TLK2: variants seen among roughly 807,000 people sequenced by gnomAD.
The protein encoded by TLK2 is serine/threonine-protein kinase tousled-like 2.
A neutral mutation model predicts 117.3 loss-of-function variants in TLK2; 6 were observed. That is an observed-to-expected ratio of 0.05 (90% confidence interval 0.03 to 0.10). The LOEUF (loss-of-function observed/expected upper bound fraction) is 0.10, where lower values mean the gene tolerates loss of function less well. Ranked by LOEUF, TLK2 falls within the 10% of genes least tolerant of loss-of-function variation. TLK2 has a pLI of 1.00. For missense variants in TLK2, 299 were observed against 901.2 expected, an observed-to-expected ratio of 0.33 and a Z score of 8.56; for synonymous variants, 257 against 316.7, an observed-to-expected ratio of 0.81 and a Z score of 2.00.
chr17:62,568,914 G>A (rs1237884553), intron 11 of TLK2, among the ~76,000 whole-genome samples: 1 of 152,038 alleles, frequency 6.6e-6, no homozygotes, highest in East Asian at 1.9e-4. Flanking sequence ...CACTCATTTT[G>A]TTGATTTTAT....
At chr17:62,519,749 A>C (rs183634870) in intron 2 of TLK2, among the ~76,000 whole-genome samples, 2 of 152,304 alleles carry the variant, frequency 1.3e-5, no homozygotes, top group African/African-American at 4.8e-5. Context: ...AGTATAAAAA[A>C]ATGGATTTTT....
At chr17:62,575,396 A>G (rs1400629900) in intron 12 of TLK2, among the ~76,000 whole-genome samples, 1 of 152,142 alleles carries the variant, frequency 6.6e-6, no homozygotes, top group East Asian at 1.9e-4. Context: ...TGTGGAATGG[A>G]GTAATAGATA....
chr17:62,539,100 C>G (rs1189419577), intron 7 of TLK2, among the ~76,000 whole-genome samples: 2 of 152,092 alleles, frequency 1.3e-5, no homozygotes, highest in Non-Finnish European at 2.9e-5. Context: ...TTTATTCTGT[C>G]TATAAATTGT....
At chr17:62,612,344 G>T (rs367922143) in intron 21 of TLK2, 48 bp from the exon 22 acceptor site, 23 of 1,586,168 alleles carry the variant, frequency 1.5e-5, no homozygotes, top group Non-Finnish European at 2.0e-5. Flanking sequence ...TTCCCTCCAG[G>T]GGTGCCAAGA....
chr17:62,564,903 A>G (rs2079625322), intron 10 of TLK2, 98 bp from the exon 11 acceptor site: 2 of 1,436,306 alleles, frequency 1.4e-6, no homozygotes, highest in Admixed American at 2.7e-5. Context: ...GTTTTCAATA[A>G]TATGTTTCCT....
intron 6 of TLK2, among the ~76,000 whole-genome samples, chr17:62,524,595 C>A (rs1416473624): frequency 1.3e-5 from 2 of 152,154 alleles, no homozygotes; most frequent in Non-Finnish European, 2.9e-5. Flanking sequence ...AGAATTGATT[C>A]CAATCGAAAC....
chr17:62,584,107 G>GTTTTTTTTTTTTTTT (rs572000997), intron 15 of TLK2, among the ~76,000 whole-genome samples: 3 of 78,524 alleles, frequency 3.8e-5, no homozygotes, highest in African/African-American at 5.1e-5. Flanking sequence ...TTCTTTTGTG[G>GTTTTTTTTTTTTTTT]TTTTTTTTTT....
intron 16 of TLK2, among the ~76,000 whole-genome samples, chr17:62,594,862 A>G (rs998066882): frequency 1.3e-5 from 2 of 152,068 alleles, no homozygotes; most frequent in African/African-American, 4.8e-5. Flanking sequence ...AACCCAACAC[A>G]TGTGCCTTTG....
intron 17 of TLK2, among the ~76,000 whole-genome samples, chr17:62,599,476 C>A (rs1021841089): frequency 6.6e-6 from 1 of 152,132 alleles, no homozygotes; most frequent in Non-Finnish European, 1.5e-5. Flanking sequence ...GTTTATCAGG[C>A]CCATGTGTCC....
intron 6 of TLK2, among the ~76,000 whole-genome samples, chr17:62,530,231 A>T (rs905486493): frequency 2.6e-5 from 4 of 152,130 alleles, no homozygotes; most frequent in African/African-American, 9.7e-5. Context: ...CCGAGATCAC[A>T]CCACTGCACT....
At chr17:62,599,212 G>T (rs948433688) in intron 17 of TLK2, among the ~76,000 whole-genome samples, 1 of 152,218 alleles carries the variant, frequency 6.6e-6, no homozygotes, top group African/African-American at 2.4e-5. Flanking sequence ...CTCCCAAATT[G>T]CTGGGATTAC....
chr17:62,599,614 C>G (rs181024746), intron 17 of TLK2, among the ~76,000 whole-genome samples: 287 of 152,310 alleles, frequency 1.9e-3, no homozygotes, highest in Admixed American at 3.9e-3. Context: ...CTCCTCCCTT[C>G]TGGCCTGCTT....
At chr17:62,580,244 A>G in intron 15 of TLK2, 52 bp downstream of exon 15, 4 of 1,369,124 alleles carry the variant, frequency 2.9e-6, no homozygotes, top group Non-Finnish European at 3.1e-6. Flanking sequence ...ATCGGCTCCT[A>G]CCAACTTGGA....
intron 15 of TLK2, among the ~76,000 whole-genome samples, chr17:62,581,650 A>G (rs2081230987): frequency 4.0e-5 from 6 of 151,862 alleles, no homozygotes; most frequent in Admixed American, 3.9e-4. Context: ...CATGTTGCCC[A>G]GGCTGGTCTT....
rs564232763 is a variant in TLK2, at chr17:62,565,534, T to C, written c.968+397T>C. Among the ~76,000 whole-genome samples the C allele has an allele frequency of 4.0e-5, 6 of 150,934 alleles. No homozygotes were observed. In the South Asian group the frequency reaches 1.3e-3, roughly 32 times the overall value. On this transcript the variant is annotated intron_variant, in intron 11 of 21. Coordinates refer to ENST00000346027, the MANE Select transcript of TLK2 (RefSeq NM_006852.6). ...CAGGCGTGGTGGCAGGCGCCTGTAA[T>C]CCCAGCTACTTGGGAGGCTGAGGCA... is the stretch of plus-strand genomic sequence containing the variant.
intron 12 of TLK2, chr17:62,574,199 T>TAA (rs2080559284): frequency 7.8e-7 from 1 of 1,283,562 alleles, no homozygotes; most frequent in African/African-American, 1.5e-5. Context: ...TAAAAGTCTG[T>TAA]GGCATCCTAG....
At chr17:62,516,714 C>T (rs2075626304) in intron 2 of TLK2, 14 of 1,601,962 alleles carry the variant, frequency 8.7e-6, no homozygotes, top group Non-Finnish European at 1.2e-5. Flanking sequence ...CCATGACTCC[C>T]TCCTTAAAAA....
At chr17:62,584,653 A>T (rs1186635788) in intron 15 of TLK2, among the ~76,000 whole-genome samples, 1 of 152,206 alleles carries the variant, frequency 6.6e-6, no homozygotes, top group African/African-American at 2.4e-5. Context: ...TGTCTAGATA[A>T]AAAAATAAAA....
chr17:62,535,026 T>G (rs1339872135), intron 6 of TLK2, among the ~76,000 whole-genome samples: 10 of 151,792 alleles, frequency 6.6e-5, no homozygotes, highest in Admixed American at 6.6e-4. Context: ...GTATCTTGGA[T>G]TACAGGTGCC....
Sources: gnomAD v4.1 joint callset for allele counts (sites outside exome capture counted in the v4.1 genomes callset) on GRCh38, gnomAD v4.1.1 for gene constraint, MANE v1.5 for transcripts, NCBI Gene and HGNC (gene_info 2026-07-23, HGNC 2026-07-21) for gene names.